Variants in URM1 observed in about 807,000 individuals in gnomAD.
URM1 encodes ubiquitin related modifier 1, also known as ubiquitin-related modifier 1.
URM1 carries 11 observed loss-of-function variants against 17.7 expected under a neutral mutation model. The observed-to-expected ratio is 0.62, with a 90% confidence interval of 0.39 to 1.03. The LOEUF is 1.03. Ranked by LOEUF, URM1 falls within the 50% of genes least tolerant of loss-of-function variation. The pLI, the probability that URM1 is intolerant of heterozygous loss-of-function variation, is 0.00. For synonymous variants in URM1, 48 were observed against 50.6 expected, an observed-to-expected ratio of 0.95 and a Z score of 0.22; for missense variants, 128 against 129.2, an observed-to-expected ratio of 0.99 and a Z score of 0.04.
At chr9:128,385,270 T>G (rs1187621709) in intron 2 of URM1, among the ~76,000 whole-genome samples, 3 of 152,132 alleles carry the variant, frequency 2.0e-5, no homozygotes, top group Non-Finnish European at 4.4e-5. Flanking sequence ...CTTCACTGTT[T>G]AACACCCTCA....
intron 3 of URM1, chr9:128,388,238 A>G (rs1418111555): frequency 1.2e-5 from 14 of 1,139,544 alleles, no homozygotes; most frequent in African/African-American, 1.6e-5. Flanking sequence ...AAACGTAGCT[A>G]GTACAACTGA....
intron 1 of URM1, among the ~76,000 whole-genome samples, chr9:128,375,505 G>C (rs1315787394): frequency 2.6e-5 from 4 of 152,106 alleles, no homozygotes; most frequent in African/African-American, 9.7e-5. Context: ...GAGCCCAGGA[G>C]TTCAAGACCA....
chr9:128,389,298 T>C lies in URM1; in HGVS notation c.226T>C (p.Trp76Arg), dbSNP rs758288120. 2 of 1,610,650 alleles carry C rather than the reference T, an allele frequency of 1.2e-6. No homozygotes were observed. The highest frequency in any genetic ancestry group is 1.3e-5 in the African/African-American group (1 of 74,798). Residue 76 changes from tryptophan (W) to arginine (R), a missense_variant, in exon 4 of 5, where the codon TGG becomes CGG. Physicochemically the swap from Trp to Arg is moderately radical, Grantham distance 101. Transcript: ENST00000372853. ...TCTGGTGCTGATTAACGATGCCGAC[T>C]GGGAGCTACTGGTCAGTACCTTGGG... Reference protein sequence around the residue: ...GILVLINDADWELLGELDYQL... With the variant: ...GILVLINDADRELLGELDYQL...
At chr9:128,373,490 T>C (rs954691661) in intron 1 of URM1, among the ~76,000 whole-genome samples, 3 of 152,114 alleles carry the variant, frequency 2.0e-5, no homozygotes, top group Non-Finnish European at 4.4e-5. Context: ...GCAGATGTAG[T>C]CCTCTTGGCC....
intron 1 of URM1, among the ~76,000 whole-genome samples, chr9:128,373,217 C>T (rs1833035236): frequency 7.0e-6 from 1 of 143,142 alleles, no homozygotes; most frequent in African/African-American, 2.6e-5. Context: ...CCTCCTGTCA[C>T]AGCACAGCGT....
rs768110617 is a variant in URM1, at chr9:128,390,073, G to C, written c.*339G>C. 12 of 331,702 alleles carry C rather than the reference G, an allele frequency of 3.6e-5. No homozygotes were observed. The highest frequency in any genetic ancestry group is 5.5e-5 in the Non-Finnish European group (10 of 180,924). The allele number at this position is 331,702 out of a possible 1,614,324, so 20.5% of individuals were successfully genotyped here. On this transcript the variant is annotated 3_prime_UTR_variant, in exon 5 of 5. Coordinates refer to ENST00000372853, the MANE Select transcript of URM1 (RefSeq NM_030914.4). Reference sequence around the variant, plus strand: ...CTCCTTGTACCTCAGTCTAAACATGGAGTGGCCGCTGACAAGGCGCTCCAG... The same window carrying C: ...CTCCTTGTACCTCAGTCTAAACATGCAGTGGCCGCTGACAAGGCGCTCCAG...
At chr9:128,385,632 C>T (rs1400089451) in intron 2 of URM1, among the ~76,000 whole-genome samples, 1 of 152,172 alleles carries the variant, frequency 6.6e-6, no homozygotes, top group Non-Finnish European at 1.5e-5. Flanking sequence ...CTCCCCTGGG[C>T]GCCTTTGGAA....
intron 1 of URM1, among the ~76,000 whole-genome samples, chr9:128,373,082 A>G (rs927519430): frequency 1.6e-4 from 24 of 151,984 alleles, no homozygotes; most frequent in African/African-American, 5.8e-4. Flanking sequence ...AACCAGCACA[A>G]TTGCCCTTTT....
chr9:128,381,186 C>G (rs1286314610), intron 2 of URM1, among the ~76,000 whole-genome samples: 3 of 152,182 alleles, frequency 2.0e-5, no homozygotes, highest in Non-Finnish European at 4.4e-5. Context: ...TTTGTGCCAT[C>G]ACTGTACTAA....
chr9:128,371,730 C>T (rs950079489), intron 1 of URM1, among the ~76,000 whole-genome samples: 1 of 152,226 alleles, frequency 6.6e-6, no homozygotes, highest in Non-Finnish European at 1.5e-5. Context: ...CTATCTCGGA[C>T]CAATCCCATC....
chr9:128,389,604 T>C, intron 4 of URM1, 62 bp from the exon 5 acceptor site: 1 of 1,608,258 alleles, frequency 6.2e-7, no homozygotes, highest in Non-Finnish European at 8.5e-7. Context: ...TTCTCCCAAC[T>C]CCTGGGGTGG....
intron 1 of URM1, among the ~76,000 whole-genome samples, chr9:128,372,871 C>T (rs917288035): frequency 1.3e-5 from 2 of 151,120 alleles, no homozygotes; most frequent in Non-Finnish European, 1.5e-5. Flanking sequence ...CCCAAGAATT[C>T]GAGACCAGCC....
intron 3 of URM1, chr9:128,388,582 A>G (rs1833260204): frequency 1.2e-5 from 12 of 986,116 alleles, no homozygotes; most frequent in Non-Finnish European, 1.4e-5. Context: ...CTAGGGGATC[A>G]GCCCTCCTTC....
At chr9:128,376,333 G>A (rs566179161) in intron 1 of URM1, among the ~76,000 whole-genome samples, 3 of 152,272 alleles carry the variant, frequency 2.0e-5, no homozygotes, top group Admixed American at 1.3e-4. Flanking sequence ...CTGCACTCCA[G>A]CCTGGGTGAC....
intron 1 of URM1, among the ~76,000 whole-genome samples, chr9:128,376,667 T>TA (rs1280740215): frequency 6.7e-6 from 1 of 148,698 alleles, no homozygotes; most frequent in African/African-American, 2.6e-5. Flanking sequence ...TCTCAATAAA[T>TA]AAATTTTTTT....
chr9:128,389,377 C>A lies in URM1; in HGVS notation c.237+68C>A, dbSNP rs764817858. 3.1e-6 allele frequency: 5 copies of A among 1,613,760 alleles called. No homozygotes were observed. In the Admixed American group the frequency reaches 8.3e-5, roughly 27 times the overall value. ...GCTGCTTCAGTGGGAAAGCGTTGGGCCTCTCCTCAGGCACATATAGAGTGG... is the reference window on the plus strand; with the variant it reads ...GCTGCTTCAGTGGGAAAGCGTTGGGACTCTCCTCAGGCACATATAGAGTGG... On this transcript the variant is annotated intron_variant, in intron 4 of 4. Transcript: ENST00000372853.
In URM1 at chr9:128,391,711, T is replaced by C. The variant is rs1180081623; in HGVS notation, c.*1977T>C. On this transcript the variant is annotated 3_prime_UTR_variant, in exon 5 of 5. Transcript: ENST00000372853. ...GATCCGTTTCCCTGGCTGCAGAGAGTGGGAGGTGTGATGTGGAATATCCCT... is the reference window on the plus strand; with the variant it reads ...GATCCGTTTCCCTGGCTGCAGAGAGCGGGAGGTGTGATGTGGAATATCCCT... 2 of 151,852 alleles carry C rather than the reference T, an allele frequency of 1.3e-5. No homozygotes were observed. Among genetic ancestry groups the C allele is most frequent in the Non-Finnish European group, 2.9e-5 (2 of 67,952 alleles). The allele number at this position is 151,852 out of a possible 1,614,324, so 9.4% of individuals were successfully genotyped here.
At chr9:128,389,474 G>T (rs1250120649) in intron 4 of URM1, 165 bp downstream of exon 4, 1 of 1,564,194 alleles carries the variant, frequency 6.4e-7, no homozygotes, top group Non-Finnish European at 8.7e-7. Flanking sequence ...GTGAGGAAGG[G>T]ATGGGTAGCT....
At chr9:128,371,349 G>A, upstream of URM1, 2 of 1,612,338 alleles carry the variant, frequency 1.2e-6, no homozygotes, top group African/African-American at 1.3e-5. Flanking sequence ...CGGAAGTTGA[G>A]GGGAGTTTCC....
Sources: allele counts gnomAD v4.1 joint callset (sites outside exome capture counted in the v4.1 genomes callset), GRCh38; gene constraint gnomAD v4.1.1; transcripts MANE v1.5; gene names NCBI Gene and HGNC (gene_info 2026-07-23, HGNC 2026-07-21).